ZNF880: variants seen among roughly 807,000 people sequenced by gnomAD.
The protein encoded by ZNF880 is zinc finger protein 880.
A neutral mutation model predicts 11.8 loss-of-function variants in ZNF880; 12 were observed. That is an observed-to-expected ratio of 1.02 (90% confidence interval 0.65 to 1.65). The LOEUF is 1.65. ZNF880 is among the 40% of genes most tolerant of loss of function. The probability of loss-of-function intolerance (pLI) is 0.00; values close to 1 mark genes in which losing one functional copy is unlikely to be tolerated. For missense variants in ZNF880, 601 were observed against 673.9 expected (o/e 0.89, Z 1.20); for synonymous variants, 210 against 232.4 (o/e 0.90, Z 0.88).
At chr19:52,373,011 C>A in intron 1 of ZNF880, 100 bp from the exon 2 acceptor site, 1 of 1,185,798 alleles carries the variant, frequency 8.4e-7, no homozygotes, top group East Asian at 2.7e-5. Flanking sequence ...AATACCTTAA[C>A]GTGGATTTGT....
Position 52,385,043 on chromosome 19 carries a change from G to A in ZNF880, c.1463G>A (p.Gly488Glu). 1 of 1,569,358 alleles carries A rather than the reference G, an allele frequency of 6.4e-7. No homozygotes were observed. The highest frequency in any genetic ancestry group is 8.6e-7 in the Non-Finnish European group (1 of 1,156,796). The change falls in exon 4 of 4, where the codon GGA becomes GAA. Residue 488 changes from glycine to glutamate, a missense_variant. Gly to Glu is a moderately conservative substitution (Grantham distance 98, BLOSUM62 -2). Around this residue, in one of 3 missense-constraint regions of ZNF880, gnomAD observed 177 missense variants for 214.5 expected, o/e 0.83. Coordinates refer to ENST00000422689, the MANE Select transcript of ZNF880 (RefSeq NM_001145434.2). The part of the protein sequence containing the change: ...NLANHHRIHT[G>E]EKPYKCSECH... The stretch of plus-strand genomic sequence containing the variant: ...GCAAATCATCACAGAATCCATACTG[G>A]AGAGAAACCTTACAAATGCAGTGAA...
upstream of ZNF880, chr19:52,367,239 T>C: frequency 6.5e-6 from 1 of 153,954 alleles, no homozygotes. Context: ...TTCTCCTGCC[T>C]CAGCCTCCTG....
At chr19:52,396,111 T>C in the ZNF880 span, among the ~76,000 whole-genome samples, 28 of 146,520 alleles carry the variant, frequency 1.9e-4, no homozygotes, top group African/African-American at 6.0e-4. Flanking sequence ...TGTGCCACCA[T>C]GCCTGGCTAA....
At chr19:52,393,834 C>CTTTTT in the ZNF880 span, among the ~76,000 whole-genome samples, 1 of 144,242 alleles carries the variant, frequency 6.9e-6, no homozygotes, top group Admixed American at 7.4e-5. Context: ...TTGCCCCCCC[C>CTTTTT]CTTTTTTTTT....
intron 3 of ZNF880, among the ~76,000 whole-genome samples, chr19:52,381,714 A>G (rs1009446101): frequency 1.3e-5 from 2 of 152,082 alleles, no homozygotes; most frequent in African/African-American, 2.4e-5. Context: ...TCATAGTAAC[A>G]TACTTGAATC....
rs758413569 is a variant in ZNF880, at chr19:52,373,175, C to T, written c.77C>T (p.Pro26Leu). ...CAGGAGGAGTGGAAATGTCTGGACC[C>T]TGCTCAGAGGACTTTATACAGGGAA... is the stretch of plus-strand genomic sequence containing the variant. Reference protein sequence around the residue: ...FPQEEWKCLDPAQRTLYREVM... With the variant: ...FPQEEWKCLDLAQRTLYREVM... The change falls in exon 2 of 4, where the codon CCT (proline) becomes CTT (leucine). Residue 26 changes from proline (P) to leucine (L), a missense_variant. By Grantham distance (98) the Pro-to-Leu change is moderately conservative. Transcript: ENST00000422689. The T allele has an allele frequency of 6.2e-7, 1 of 1,613,354 alleles. No individual in the cohort carries two copies. Among genetic ancestry groups the T allele is most frequent in the Non-Finnish European group, 8.5e-7 (1 of 1,179,580 alleles).
At chr19:52,397,153 C>CTT in the ZNF880 span, 87,426 of 148,158 alleles carry the variant, frequency 0.59, 29,271 homozygotes, top group Non-Finnish European at 0.77. Flanking sequence ...AAGTTACTGG[C>CTT]TTTTTTTTTT....
chr19:52,395,868 A>G, the ZNF880 span: 1 of 152,228 alleles, frequency 6.6e-6, no homozygotes, highest in Admixed American at 6.5e-5. Context: ...ATTCTTGGGA[A>G]CTACAAGTGA....
intron 2 of ZNF880, among the ~76,000 whole-genome samples, chr19:52,373,505 G>C (rs144207406): frequency 1.4e-4 from 22 of 152,146 alleles, no homozygotes; most frequent in South Asian, 6.2e-4. Context: ...CAGGGCTTAA[G>C]TATGCGTCAA....
At chr19:52,391,451 AG>A in the ZNF880 span, 2 of 151,900 alleles carry the variant, frequency 1.3e-5, no homozygotes, top group Non-Finnish European at 2.9e-5. Flanking sequence ...GAAGGAATAG[AG>A]GGAAGAGCAG....
chr19:52,386,403 C>CT (rs1217063332), downstream of ZNF880, among the ~76,000 whole-genome samples: 17 of 143,486 alleles, frequency 1.2e-4, 1 homozygote, highest in South Asian at 3.4e-3. Flanking sequence ...CTTCTGTGCT[C>CT]TACCAACTAG....
At chr19:52,388,082 A>T (rs1402138634), downstream of ZNF880, among the ~76,000 whole-genome samples, 1 of 105,770 alleles carries the variant, frequency 9.5e-6, no homozygotes, top group Admixed American at 8.6e-5. Context: ...GTTTCACCAT[A>T]TTGGCTAGGC....
At chr19:52,369,826 C>T (rs1986302368), upstream of ZNF880, 1 of 1,110,738 alleles carries the variant, frequency 9.0e-7, no homozygotes, top group South Asian at 1.4e-5. Flanking sequence ...GGTCTAGCCT[C>T]CAAAACGAGA....
At position 52,383,894 on chromosome 19, in the gene ZNF880, A is replaced by T. The variant is rs1356053747; in HGVS notation, c.314A>T (p.Lys105Ile). Residue 105 changes from lysine (K) to isoleucine (I), a missense_variant, in exon 4 of 4, where the codon AAA becomes ATA. Lys to Ile is a moderately radical substitution (Grantham distance 102). Coordinates refer to ENST00000422689, the MANE Select transcript of ZNF880 (RefSeq NM_001145434.2). The part of the protein sequence containing the change: ...LGSNAGNKSL[K>I]NQLGLTFQLH... ...AGCAATGCCGGAAACAAGTCTCTTA[A>T]AAATCAACTTGGATTAACCTTTCAG... 2.0e-6 allele frequency: 3 copies of T among 1,467,996 alleles called. No individual in the cohort carries two copies. The highest frequency in any genetic ancestry group is 2.7e-6 in the Non-Finnish European group (3 of 1,109,444). 90.9% of individuals were successfully genotyped at this position (1,467,996 alleles called of 1,614,324 possible).
chr19:52,369,819 C>G (rs1001837089), upstream of ZNF880: 3 of 977,962 alleles, frequency 3.1e-6, no homozygotes, highest in Admixed American at 6.3e-5. Flanking sequence ...CACGGCAGGT[C>G]TAGCCTCCAA....
At chr19:52,378,032 T>G (rs992113239) in intron 3 of ZNF880, among the ~76,000 whole-genome samples, 3 of 152,058 alleles carry the variant, frequency 2.0e-5, no homozygotes, top group Non-Finnish European at 4.4e-5. Context: ...CCCTCTTCCC[T>G]TCCTGGAGGA....
intron 3 of ZNF880, among the ~76,000 whole-genome samples, chr19:52,377,031 C>CT (rs1436327410): frequency 6.6e-6 from 1 of 152,106 alleles, no homozygotes; most frequent in African/African-American, 2.4e-5. Flanking sequence ...TATGAGAATT[C>CT]TTTGATTCCA....
intron 3 of ZNF880, among the ~76,000 whole-genome samples, chr19:52,374,981 T>G (rs1986510623): frequency 4.0e-5 from 6 of 151,198 alleles, no homozygotes; most frequent in Admixed American, 4.0e-4. Context: ...CAACTATTCT[T>G]CCCACCTGGC....
the ZNF880 span, chr19:52,397,051 T>G: frequency 6.6e-6 from 1 of 152,122 alleles, no homozygotes; most frequent in Admixed American, 6.6e-5. Context: ...GCTGAGTGCC[T>G]GCCACTGTAC....
Sources: allele counts gnomAD v4.1 joint callset (sites outside exome capture counted in the v4.1 genomes callset), GRCh38; gene constraint gnomAD v4.1.1; regional missense constraint gnomAD v4.1.1; transcripts MANE v1.5; gene names NCBI Gene and HGNC (gene_info 2026-07-23, HGNC 2026-07-21).